Variants in NLRP11 observed in about 807,000 individuals in gnomAD.
NLRP11 encodes the protein NLR family pyrin domain containing 11, also known as NACHT, LRR and PYD domains-containing protein 11.
Under a neutral mutation model 79.3 loss-of-function variants are expected in NLRP11, and 53 were observed. The observed-to-expected ratio is 0.67, with a 90% CI of 0.54 to 0.84. NLRP11 has a LOEUF of 0.84. Ranked by LOEUF, NLRP11 falls within the 40% of genes least tolerant of loss-of-function variation. The pLI is 0.00. For missense variants in NLRP11, 1,264 were observed against 1,255.0 expected (o/e 1.01, Z -0.11); for synonymous variants, 518 against 462.6 (o/e 1.12, Z -1.54).
chr19:55,797,128 A>T lies in NLRP11; in HGVS notation c.2172-878T>A, dbSNP rs80157582. On this transcript the variant is annotated intron_variant, in intron 5 of 9. Coordinates refer to ENST00000589093, the Ensembl canonical transcript of NLRP11. ...TTTTCCCCATGGGACCCTATTTTTT[A>T]AAAAAAGTTTTTTTCCTTAAATTAT... Among the ~76,000 whole-genome samples the T allele has an allele frequency of 8.1e-3, 1,231 of 152,038 alleles. 16 individuals carry two copies. Among genetic ancestry groups the T allele is most frequent in the African/African-American group, 0.028 (1,169 of 41,428 alleles).
chr19:55,808,093 G>A (rs1980181578), intron 3 of NLRP11, 79 bp from the exon 4 acceptor site: 2 of 945,868 alleles, frequency 2.1e-6, no homozygotes, highest in Non-Finnish European at 3.2e-6. Context: ...ATTAAAGTAT[G>A]TTTTGAGAGT....
chr19:55,789,242 A>G (rs745443313), exon 8 of NLRP11: 5 of 1,611,372 alleles, frequency 3.1e-6, no homozygotes, highest in Non-Finnish European at 4.2e-6. Context: ...ATATTCACCA[A>G]CATGCAGTTG....
At position 55,807,936 on chromosome 19, in the gene NLRP11, G is replaced by C. The variant is rs754456762; in HGVS notation, c.1920C>G (p.Ile640Met). ...AAATACCATTAAGGTCATTGTCAAA[G>C]ATATGCAGCTCCCGGAGGCTCTCCA... Residue 640 changes from isoleucine to methionine, a missense_variant, in exon 4 of 10, where the codon ATC becomes ATG. Ile to Met is a conservative substitution (Grantham distance 10). Transcript: ENST00000589093. 3.1e-6 allele frequency: 5 copies of C among 1,610,878 alleles called. No homozygotes were observed. The East Asian group carries it at 8.9e-5, about 29-fold the overall frequency.
intron 1 of NLRP11, among the ~76,000 whole-genome samples, chr19:55,823,348 CAG>C (rs1478367547): frequency 1.5e-5 from 2 of 135,192 alleles, no homozygotes; most frequent in Non-Finnish European, 1.5e-5. Flanking sequence ...CTCTAAAACG[CAG>C]AGTGTCTCTC....
Position 55,785,886 on chromosome 19 carries a change from A to G in NLRP11, c.2856-15T>C. The G allele has an allele frequency of 1.2e-6, 2 of 1,608,718 alleles. No homozygotes were observed. Among genetic ancestry groups the G allele is most frequent in the Non-Finnish European group, 1.7e-6 (2 of 1,178,052 alleles). On this transcript the variant is annotated splice_polypyrimidine_tract_variant and intron_variant, in intron 9 of 9. Coordinates refer to ENST00000589093, the Ensembl canonical transcript of NLRP11. ...TTAATGGAAGCCTGAAGGAAAACAGAGAGAGAACGCCGTTAATGCTACATG... is the reference window on the plus strand; with the variant it reads ...TTAATGGAAGCCTGAAGGAAAACAGGGAGAGAACGCCGTTAATGCTACATG...
chr19:55,832,284 A>G (rs1388589894), upstream of NLRP11, among the ~76,000 whole-genome samples: 2 of 152,172 alleles, frequency 1.3e-5, no homozygotes, highest in African/African-American at 4.8e-5. Flanking sequence ...GTGCCGGGGG[A>G]AAGAAGTTTT....
rs1568643224 is a variant in NLRP11 at position 55,821,675 on chromosome 19, CATTGTTAGTGATGGGAGAACCCATTAA to C, written c.-62-3466_-62-3440del. 3.3e-4 allele frequency among the ~76,000 whole-genome samples: 48 copies of C among 146,400 alleles called. 1 individual carries two copies. The East Asian group carries it at 3.7e-3, about 11-fold the overall frequency. On this transcript the variant is annotated intron_variant, in intron 1 of 9. Transcript: ENST00000589093. Reference sequence around the variant, plus strand: ...TGTTAGTGATGGGAGAACCCATTAACATTGTTAGTGATGGGAGAACCCATTAACATTGTTAGTGATGGGAGAACCCAT... The same window carrying C: ...TGTTAGTGATGGGAGAACCCATTAACCATTGTTAGTGATGGGAGAACCCAT...
chr19:55,817,877 G>T, intron 2 of NLRP11, 27 bp downstream of exon 2: 2 of 1,550,096 alleles, frequency 1.3e-6, no homozygotes, highest in Non-Finnish European at 8.8e-7. Flanking sequence ...CCTGATTTCT[G>T]CCCACCCTTC....
At chr19:55,827,504 G>T (rs895810445) in intron 1 of NLRP11, among the ~76,000 whole-genome samples, 1 of 150,098 alleles carries the variant, frequency 6.7e-6, no homozygotes, top group Non-Finnish European at 1.5e-5. Context: ...GAAAATTTTC[G>T]CAACCTACTC....
intron 7 of NLRP11, among the ~76,000 whole-genome samples, chr19:55,790,801 T>C (rs149608452): frequency 6.6e-6 from 1 of 152,098 alleles, no homozygotes; most frequent in African/African-American, 2.4e-5. Context: ...GTCGGTAAAA[T>C]ATATAGAGAG....
intron 5 of NLRP11, among the ~76,000 whole-genome samples, chr19:55,800,395 C>T (rs1247011703): frequency 6.6e-6 from 1 of 152,164 alleles, no homozygotes; most frequent in Non-Finnish European, 1.5e-5. Flanking sequence ...GCAACATCTG[C>T]CTCCTGGGTT....
At chr19:55,823,230 CAG>C (rs1366977711) in intron 1 of NLRP11, among the ~76,000 whole-genome samples, 1 of 141,612 alleles carries the variant, frequency 7.1e-6, no homozygotes, top group Non-Finnish European at 1.5e-5. Context: ...AACTAACAAA[CAG>C]AAAGGACATC....
chr19:55,801,593 G>T (rs1715596107), exon 5 of NLRP11: 1 of 1,613,992 alleles, frequency 6.2e-7, no homozygotes, highest in South Asian at 1.1e-5. Flanking sequence ...TATTTGGCAT[G>T]TGGGCTCGTG....
intron 2 of NLRP11, among the ~76,000 whole-genome samples, chr19:55,815,359 T>C (rs908835261): frequency 1.3e-5 from 2 of 151,748 alleles, no homozygotes; most frequent in African/African-American, 2.4e-5. Flanking sequence ...TGAAACCCCA[T>C]CTCTACTAAA....
At chr19:55,788,894 T>C in exon 9 of NLRP11, 2 of 1,613,958 alleles carry the variant, frequency 1.2e-6, no homozygotes, top group Non-Finnish European at 1.7e-6. Context: ...TTGAAGCAAG[T>C]TGAGTCTTTC....
chr19:55,813,601 AT>A (rs1311636321), intron 2 of NLRP11, among the ~76,000 whole-genome samples: 2 of 152,236 alleles, frequency 1.3e-5, no homozygotes, highest in Non-Finnish European at 2.9e-5. Context: ...CATATCTGAT[AT>A]TCTCTTAAAT....
At chr19:55,828,317 G>A (rs927362657) in intron 1 of NLRP11, among the ~76,000 whole-genome samples, 4 of 150,990 alleles carry the variant, frequency 2.6e-5, no homozygotes, top group Admixed American at 1.3e-4. Flanking sequence ...CCTAATGCTA[G>A]ATGACAAGTT....
intron 2 of NLRP11, among the ~76,000 whole-genome samples, chr19:55,813,562 A>G (rs1430886344): frequency 6.6e-6 from 1 of 152,216 alleles, no homozygotes; most frequent in Non-Finnish European, 1.5e-5. Flanking sequence ...CAGAAGAGGT[A>G]CTGGGTGAAG....
chr19:55,796,066 C>T lies in NLRP11; in HGVS notation c.2342+14G>A, dbSNP rs757314387. The T allele has an allele frequency of 6.2e-6, 10 of 1,602,420 alleles. No homozygotes were observed. In the East Asian group the frequency reaches 2.2e-4, roughly 36 times the overall value. On this transcript the variant is annotated intron_variant, in intron 6 of 9. Coordinates refer to ENST00000589093, the Ensembl canonical transcript of NLRP11. ...CTGAGCTTCTACGTGGTGAGCTCGT[C>T]TAAGCCAACTTACACCAGTGATATA...
Sources: gnomAD v4.1 joint callset for allele counts (sites outside exome capture counted in the v4.1 genomes callset) on GRCh38, gnomAD v4.1.1 for gene constraint, MANE v1.5 for transcripts, NCBI Gene and HGNC (gene_info 2026-07-23, HGNC 2026-07-21) for gene names.